LSAMP: variants seen among roughly 807,000 people sequenced by gnomAD.
LSAMP encodes the protein limbic system associated membrane protein, also known as limbic system-associated membrane protein.
A neutral mutation model predicts 38.6 loss-of-function variants in LSAMP; 7 were observed. The observed-to-expected ratio is 0.18, with a 90% CI of 0.10 to 0.34. LSAMP has a LOEUF of 0.34. Among genes scored for constraint, LSAMP ranks in the 10% least tolerant of loss-of-function variants. LSAMP has a pLI of 1.00. For missense variants in LSAMP, 313 were observed against 420.0 expected (o/e 0.75, Z 2.23); for synonymous variants, 154 against 166.8 (o/e 0.92, Z 0.59).
At chr3:116,422,085 C>T (rs889754525) in intron 1 of LSAMP, among the ~76,000 whole-genome samples, 1 of 152,278 alleles carries the variant, frequency 6.6e-6, no homozygotes, top group Admixed American at 6.5e-5. Context: ...CAATGGAATA[C>T]TATTTAGTCA....
At chr3:116,095,072 C>A (rs1708197317) in intron 1 of LSAMP, among the ~76,000 whole-genome samples, 1 of 152,096 alleles carries the variant, frequency 6.6e-6, no homozygotes, top group Admixed American at 6.5e-5. Flanking sequence ...AAAAAGTTAA[C>A]CTCTTTATAT....
intron 1 of LSAMP, among the ~76,000 whole-genome samples, chr3:116,198,613 T>TA (rs1413021357): frequency 6.6e-6 from 1 of 150,880 alleles, no homozygotes; most frequent in Non-Finnish European, 1.5e-5. Flanking sequence ...ACTAAAAAAA[T>TA]ACAAAAAATT....
At chr3:115,984,902 T>G (rs905389767) in intron 3 of LSAMP, among the ~76,000 whole-genome samples, 1 of 152,056 alleles carries the variant, frequency 6.6e-6, no homozygotes, top group African/African-American at 2.4e-5. Context: ...GGTGTAAGAG[T>G]GCTTCTTATA....
chr3:116,415,390 C>A (rs182084219), intron 1 of LSAMP, among the ~76,000 whole-genome samples: 1 of 152,118 alleles, frequency 6.6e-6, no homozygotes, highest in East Asian at 1.9e-4. Context: ...GCTATAGATA[C>A]AAAGACCTAT....
intron 1 of LSAMP, among the ~76,000 whole-genome samples, chr3:116,326,451 T>C (rs1433073447): frequency 6.6e-6 from 1 of 152,020 alleles, no homozygotes; most frequent in Non-Finnish European, 1.5e-5. Context: ...CTCTCTCAAC[T>C]CCAGTGCCCT....
chr3:116,130,676 C>T (rs1181102358), intron 1 of LSAMP, among the ~76,000 whole-genome samples: 1 of 152,088 alleles, frequency 6.6e-6, no homozygotes, highest in Admixed American at 6.6e-5. Context: ...CTCACTCTCC[C>T]TATTTTTAAG....
chr3:116,357,791 A>G (rs914973017), intron 1 of LSAMP, among the ~76,000 whole-genome samples: 9 of 152,126 alleles, frequency 5.9e-5, no homozygotes, highest in Non-Finnish European at 1.3e-4. Flanking sequence ...CCTAAAAGGA[A>G]GAGTCTAAAA....
intron 1 of LSAMP, among the ~76,000 whole-genome samples, chr3:116,201,607 C>T (rs985549263): frequency 1.3e-5 from 2 of 152,088 alleles, no homozygotes; most frequent in Non-Finnish European, 2.9e-5. Flanking sequence ...GATCCAGACA[C>T]CCTGCATTAC....
intron 1 of LSAMP, among the ~76,000 whole-genome samples, chr3:116,331,636 C>T (rs565478892): frequency 3.9e-5 from 6 of 152,066 alleles, no homozygotes; most frequent in Admixed American, 1.3e-4. Context: ...TTTCCTTACC[C>T]GTAGAACTGC....
chr3:116,007,002 G>C (rs1477273497), intron 3 of LSAMP, among the ~76,000 whole-genome samples: 1 of 152,106 alleles, frequency 6.6e-6, no homozygotes, highest in Non-Finnish European at 1.5e-5. Flanking sequence ...AAGAAAAAAA[G>C]ACTGATGTCA....
intron 3 of LSAMP, among the ~76,000 whole-genome samples, chr3:115,905,435 T>G (rs1936984503): frequency 6.6e-6 from 1 of 152,112 alleles, no homozygotes; most frequent in Non-Finnish European, 1.5e-5. Context: ...TGAGTTTCAT[T>G]TCACAATAGA....
At chr3:116,112,283 A>T (rs747183770) in intron 1 of LSAMP, among the ~76,000 whole-genome samples, 25 of 152,180 alleles carry the variant, frequency 1.6e-4, no homozygotes, top group Non-Finnish European at 1.0e-4. Flanking sequence ...AATAATAAAG[A>T]GTATGATTGT....
At chr3:116,276,589 G>A (rs2047054730) in intron 1 of LSAMP, among the ~76,000 whole-genome samples, 1 of 150,760 alleles carries the variant, frequency 6.6e-6, no homozygotes, top group Admixed American at 6.6e-5. Context: ...CTGCTGGGGT[G>A]ATGGATGCAC....
At position 115,852,588 on chromosome 3, in the gene LSAMP, G is replaced by A. The variant is rs1935369469; in HGVS notation, c.544C>T (p.Leu182=). The A allele has an allele frequency of 4.3e-6, 7 of 1,612,886 alleles. No individual in the cohort carries two copies. In the South Asian group the frequency reaches 5.5e-5, roughly 13 times the overall value. The change falls in exon 4 of 7, where the codon CTG becomes TTG. Residue 182 remains leucine (L), a synonymous_variant. Transcript: ENST00000490035. ...TCCCTGGTGATGCCAAGGATCTCCA[G>A]ATATTCTTCTTCTCCTTCAAATTCC... ...GREFEGEEEY[L]EILGITREQS... is the part of the protein sequence containing the mutation.
chr3:116,376,148 A>G (rs1461395253), intron 1 of LSAMP, among the ~76,000 whole-genome samples: 2 of 152,046 alleles, frequency 1.3e-5, no homozygotes, highest in African/African-American at 4.8e-5. Flanking sequence ...GAGGTGCTGC[A>G]GTTAGATATT....
chr3:115,871,830 G>T (rs987302120), intron 3 of LSAMP, among the ~76,000 whole-genome samples: 2 of 152,116 alleles, frequency 1.3e-5, no homozygotes, highest in South Asian at 2.1e-4. Context: ...GCTAGAAAAA[G>T]TATAGCACAC....
At chr3:116,183,027 C>T (rs1392556828) in intron 1 of LSAMP, among the ~76,000 whole-genome samples, 2 of 151,848 alleles carry the variant, frequency 1.3e-5, no homozygotes, top group Admixed American at 6.6e-5. Flanking sequence ...TGATCAGTAT[C>T]TCCTTTGAGT....
chr3:115,817,096 C>A (rs964025047), intron 6 of LSAMP, among the ~76,000 whole-genome samples: 3 of 152,192 alleles, frequency 2.0e-5, no homozygotes, highest in Admixed American at 1.3e-4. Flanking sequence ...AAAACCTTCA[C>A]GCTTGCTTTT....
intron 1 of LSAMP, among the ~76,000 whole-genome samples, chr3:116,152,817 C>T (rs1009956164): frequency 6.6e-6 from 1 of 152,012 alleles, no homozygotes; most frequent in African/African-American, 2.4e-5. Flanking sequence ...TATGTACACA[C>T]ACACAACTGA....
Sources: allele counts gnomAD v4.1 joint callset (sites outside exome capture counted in the v4.1 genomes callset), GRCh38; gene constraint gnomAD v4.1.1; transcripts MANE v1.5; gene names NCBI Gene and HGNC (gene_info 2026-07-23, HGNC 2026-07-21).